CALHM4: variants seen among roughly 807,000 people sequenced by gnomAD.
CALHM4 encodes the protein calcium homeostasis modulator protein 4.
A neutral mutation model predicts 13.3 loss-of-function variants in CALHM4; 16 were observed. The ratio of observed to expected loss-of-function variants is 1.20; its 90% confidence interval spans 0.81 to 1.82. The LOEUF is 1.82. CALHM4 is among the 40% of genes most tolerant of loss of function. CALHM4 has a pLI of 0.00. For synonymous variants in CALHM4, 127 were observed against 137.1 expected (o/e 0.93, Z 0.52); for missense variants, 344 against 374.9 (o/e 0.92, Z 0.68).
At chr6:116,542,357 A>G (rs1773516435) in intron 1 of CALHM4, among the ~76,000 whole-genome samples, 1 of 152,172 alleles carries the variant, frequency 6.6e-6, no homozygotes, top group South Asian at 2.1e-4. Context: ...AAAAATATGC[A>G]TACAGAAAGA....
intron 2 of CALHM4, among the ~76,000 whole-genome samples, chr6:116,547,045 G>A (rs1426768530): frequency 6.6e-6 from 1 of 152,186 alleles, no homozygotes; most frequent in Non-Finnish European, 1.5e-5. Context: ...AAGTAGAGAG[G>A]TTGAGAAATG....
rs376078879 is a variant in CALHM4 at position 116,543,375 on chromosome 6, T to C, written c.-108-390T>C. 15 of 1,549,752 alleles carry C rather than the reference T, an allele frequency of 9.7e-6. No homozygotes were observed. Among genetic ancestry groups the C allele is most frequent in the African/African-American group, 1.4e-5 (1 of 72,968 alleles). On this transcript the variant is annotated intron_variant, in intron 1 of 2. Coordinates refer to the CALHM4 transcript ENST00000368597. ...ACACAGCTGGGCAACCAGAGCTCCA[T>C]AGGTAAGGACAAAGAGATCTTTATT...
chr6:116,547,605 G>T (rs1401350859), intron 2 of CALHM4, among the ~76,000 whole-genome samples: 1 of 152,204 alleles, frequency 6.6e-6, no homozygotes, highest in African/African-American at 2.4e-5. Flanking sequence ...GTCTTCAGCA[G>T]CTCTTAGGAT....
chr6:116,538,033 A>G (rs1773202848), intron 1 of CALHM4, among the ~76,000 whole-genome samples: 1 of 152,232 alleles, frequency 6.6e-6, no homozygotes, highest in East Asian at 1.9e-4. Flanking sequence ...AAGGATTCAT[A>G]TGGGATATTT....
At chr6:116,549,482 C>T (rs1205902036), upstream of CALHM4, among the ~76,000 whole-genome samples, 1 of 151,926 alleles carries the variant, frequency 6.6e-6, no homozygotes, top group Admixed American at 6.6e-5. Context: ...TTAGCGTATC[C>T]ATCATCTTGA....
At chr6:116,555,014 G>A (rs1316886485) in intron 1 of CALHM4, among the ~76,000 whole-genome samples, 1 of 152,068 alleles carries the variant, frequency 6.6e-6, no homozygotes, top group East Asian at 1.9e-4. Flanking sequence ...GGGATCTGAG[G>A]AAAAAACACA....
chr6:116,536,009 T>C (rs1773060858), intron 1 of CALHM4, among the ~76,000 whole-genome samples: 1 of 152,196 alleles, frequency 6.6e-6, no homozygotes, highest in African/African-American at 2.4e-5. Flanking sequence ...AGGAGTTACT[T>C]TGAACTTTTA....
At position 116,558,529 on chromosome 6, in the gene CALHM4, T is replaced by G. The variant is rs545295164; in HGVS notation, c.*318T>G. ...GTGCCATTTTGTCATCTGCACATTG[T>G]AGCTACCTCCTAGAGCTATTATGAG... On this transcript the variant is annotated 3_prime_UTR_variant, in exon 2 of 2. Coordinates refer to ENST00000368596, the MANE Select transcript of CALHM4 (RefSeq NM_001366078.2). 1.6e-3 allele frequency: 438 copies of G among 278,562 alleles called. 3 individuals carry two copies. Among genetic ancestry groups the G allele is most frequent in the Non-Finnish European group, 2.2e-3 (328 of 146,768 alleles). The allele number at this position is 278,562 out of a possible 1,614,324, so 17.3% of individuals were successfully genotyped here.
chr6:116,550,005 TATATA>T (rs1773989507), upstream of CALHM4, among the ~76,000 whole-genome samples: 1 of 134,130 alleles, frequency 7.5e-6, no homozygotes, highest in East Asian at 2.0e-4. Flanking sequence ...TATATATATA[TATATA>T]TATATATATA....
chr6:116,556,111 G>A (rs928302308), intron 1 of CALHM4, among the ~76,000 whole-genome samples: 5 of 152,118 alleles, frequency 3.3e-5, no homozygotes, highest in African/African-American at 4.8e-5. Context: ...TACCTTCTTA[G>A]AACTCTCTTT....
chr6:116,539,557 G>A (rs1773300949), intron 1 of CALHM4, among the ~76,000 whole-genome samples: 1 of 152,080 alleles, frequency 6.6e-6, no homozygotes, highest in Non-Finnish European at 1.5e-5. Context: ...CTATTTCAGA[G>A]GGTTACTGTG....
rs549876648 is a variant in CALHM4 at position 116,531,167 on chromosome 6, G to C, written c.-109+1977G>C. Among the ~76,000 whole-genome samples, 11 of 152,066 alleles carry C rather than the reference G, an allele frequency of 7.2e-5. No homozygotes were observed. The South Asian group carries it at 2.3e-3, about 32-fold the overall frequency. ...TCATAGCTTGGCTAGAGCCCTGGAA[G>C]TGACCTAGCATGAAACTCTACTTAA... On this transcript the variant is annotated intron_variant, in intron 1 of 2. Coordinates refer to the CALHM4 transcript ENST00000368597.
At chr6:116,538,937 G>A (rs1385875481) in intron 1 of CALHM4, among the ~76,000 whole-genome samples, 2 of 151,868 alleles carry the variant, frequency 1.3e-5, no homozygotes, top group South Asian at 2.1e-4. Flanking sequence ...CACCATGTTG[G>A]CCAGGCTGGT....
chr6:116,549,369 A>G (rs1011999731), upstream of CALHM4, among the ~76,000 whole-genome samples: 6 of 152,180 alleles, frequency 3.9e-5, no homozygotes, highest in Non-Finnish European at 8.8e-5. Flanking sequence ...TTTACTGAAC[A>G]TGTCACTATA....
At chr6:116,548,418 G>A (rs1318148568) in intron 2 of CALHM4, among the ~76,000 whole-genome samples, 1 of 152,160 alleles carries the variant, frequency 6.6e-6, no homozygotes, top group Non-Finnish European at 1.5e-5. Flanking sequence ...ATCATTCACA[G>A]TCATTAGCAA....
intron 2 of CALHM4, among the ~76,000 whole-genome samples, chr6:116,548,631 C>A (rs1262692072): frequency 2.0e-5 from 3 of 152,172 alleles, no homozygotes; most frequent in Non-Finnish European, 4.4e-5. Context: ...TTCCTCACTC[C>A]CCTTATACAG....
intron 1 of CALHM4, chr6:116,540,518 T>C (rs1773384751): frequency 2.6e-6 from 4 of 1,513,090 alleles, no homozygotes; most frequent in South Asian, 2.4e-5. Context: ...GTGAAGTCTG[T>C]CAGTTTTTAA....
At position 116,531,197 on chromosome 6, in the gene CALHM4, G is replaced by A. The variant is rs9488956; in HGVS notation, c.-109+2007G>A. Among the ~76,000 whole-genome samples, 745 of 151,970 alleles carry A rather than the reference G, an allele frequency of 4.9e-3. 6 individuals are homozygous for A. Among genetic ancestry groups the A allele is most frequent in the African/African-American group, 0.017 (694 of 41,448 alleles). ...CTAGCATGAAACTCTACTTAACACA[G>A]GGCTAGTGATTGGCTGGACAGGTTA... On this transcript the variant is annotated intron_variant, in intron 1 of 2. Coordinates refer to the CALHM4 transcript ENST00000368597.
chr6:116,536,045 G>C (rs957686402), intron 1 of CALHM4, among the ~76,000 whole-genome samples: 1 of 152,122 alleles, frequency 6.6e-6, no homozygotes, highest in East Asian at 1.9e-4. Context: ...TGCTATTAAA[G>C]TTTTTCAATA....
Sources: gnomAD v4.1 joint callset for allele counts (sites outside exome capture counted in the v4.1 genomes callset) on GRCh38, gnomAD v4.1.1 for gene constraint, MANE v1.5 for transcripts, NCBI Gene and HGNC (gene_info 2026-07-23, HGNC 2026-07-21) for gene names.